TMEM131L: variants seen among roughly 807,000 people sequenced by gnomAD.
TMEM131L encodes the protein transmembrane protein 131-like.
In TMEM131L, 54 loss-of-function variants were observed where a neutral mutation model predicts 192.2. The ratio of observed to expected loss-of-function variants is 0.28; its 90% CI spans 0.23 to 0.35. The LOEUF is 0.35. Among genes scored for constraint, TMEM131L ranks in the 10% least tolerant of loss-of-function variants. TMEM131L has a pLI of 1.00. For synonymous variants in TMEM131L, 701 were observed against 704.9 expected (o/e 0.99, Z 0.09); for missense variants, 1,888 against 1,972.9 (o/e 0.96, Z 0.82).
At chr4:153,527,254 T>A (rs1425440099) in intron 3 of TMEM131L, among the ~76,000 whole-genome samples, 1 of 150,894 alleles carries the variant, frequency 6.6e-6, no homozygotes. Context: ...GGTGACTTGT[T>A]GCCAAATCTT....
intron 3 of TMEM131L, among the ~76,000 whole-genome samples, chr4:153,518,807 C>A (rs940101908): frequency 6.6e-6 from 1 of 152,178 alleles, no homozygotes; most frequent in African/African-American, 2.4e-5. Flanking sequence ...ACTTTCAGCC[C>A]TTTCATTGCA....
At chr4:153,588,465 C>T (rs1046747251) in intron 15 of TMEM131L, among the ~76,000 whole-genome samples, 5 of 150,218 alleles carry the variant, frequency 3.3e-5, no homozygotes, top group Admixed American at 6.7e-5. Flanking sequence ...TCTCTAGGAT[C>T]GGCTCCTGGT....
rs1393699780 is a variant in TMEM131L at position 153,582,420 on chromosome 4, GTTTTTTTTTGTTGTTTTTTTTTTTT to G, written c.893-760_893-736del. Among the ~76,000 whole-genome samples the G allele has an allele frequency of 3.4e-4, 28 of 81,834 alleles. 1 individual carries two copies. Among genetic ancestry groups the G allele is most frequent in the Middle Eastern group, 8.8e-3 (1 of 114 alleles). The allele number at this position is 81,834 out of a possible 152,430, so 53.7% of individuals were successfully genotyped here. A position where few individuals can be genotyped will look rare whatever the true frequency, so the allele number is the denominator to read the frequency against. On this transcript the variant is annotated intron_variant, in intron 9 of 34. Coordinates refer to ENST00000409959, the MANE Select transcript of TMEM131L (RefSeq NM_001131007.2). ...CCACTATGCCTGGCTAATTTAAACC[GTTTTTTTTTGTTGTTTTTTTTTTTT>G]TTTTTTTTTTTTTTGTAGAGACAGG...
At chr4:153,542,491 C>G (rs1049257949) in intron 3 of TMEM131L, among the ~76,000 whole-genome samples, 6 of 152,164 alleles carry the variant, frequency 3.9e-5, no homozygotes, top group Non-Finnish European at 8.8e-5. Flanking sequence ...ATTCAGCCAC[C>G]CCACAGCCAG....
intron 28 of TMEM131L, among the ~76,000 whole-genome samples, chr4:153,622,075 G>T (rs562476057): frequency 6.6e-6 from 1 of 152,318 alleles, no homozygotes; most frequent in Non-Finnish European, 1.5e-5. Flanking sequence ...AGTCTGGCCA[G>T]TCGCAACTAT....
intron 6 of TMEM131L, among the ~76,000 whole-genome samples, chr4:153,558,033 A>T (rs1435327372): frequency 6.6e-6 from 1 of 152,226 alleles, no homozygotes; most frequent in Admixed American, 6.5e-5. Context: ...GGCCTCCCAA[A>T]GTGTTGGGAT....
At chr4:153,520,817 C>T (rs115152098) in intron 3 of TMEM131L, among the ~76,000 whole-genome samples, 2,866 of 152,276 alleles carry the variant, frequency 0.019, 51 homozygotes, top group South Asian at 0.064. Context: ...AATTGGAGCA[C>T]GACTTAAAGT....
chr4:153,531,226 C>G (rs143596640), intron 3 of TMEM131L, among the ~76,000 whole-genome samples: 1 of 152,312 alleles, frequency 6.6e-6, no homozygotes, highest in Non-Finnish European at 1.5e-5. Flanking sequence ...TAGGCTCTAT[C>G]CCTAGAAATT....
At chr4:153,504,266 CTTTTTTTTTTTTTTTTTT>C (rs531620464) in intron 3 of TMEM131L, among the ~76,000 whole-genome samples, 54 of 42,572 alleles carry the variant, frequency 1.3e-3, no homozygotes, top group Admixed American at 3.2e-3. Context: ...CGCGGTCGGC[CTTTTTTTTTTTTTTTTTT>C]TTTTTTTTTT....
chr4:153,610,038 T>C (rs1293385147), intron 25 of TMEM131L, among the ~76,000 whole-genome samples: 2 of 152,222 alleles, frequency 1.3e-5, no homozygotes, highest in African/African-American at 4.8e-5. Flanking sequence ...TCCTAAAGAA[T>C]GACTTTTAAT....
intron 26 of TMEM131L, among the ~76,000 whole-genome samples, chr4:153,613,223 G>A (rs1341207429): frequency 1.3e-5 from 2 of 152,128 alleles, no homozygotes; most frequent in African/African-American, 2.4e-5. Flanking sequence ...AAATAAACAC[G>A]CAGATGGAAG....
In TMEM131L at chr4:153,621,855, T is replaced by TA. The variant is rs1437421949; in HGVS notation, c.3859+8dup. The TA allele has an allele frequency of 6.2e-6, 10 of 1,613,556 alleles. No individual in the cohort carries two copies. Among genetic ancestry groups the TA allele is most frequent in the Middle Eastern group, 3.3e-4 (2 of 6,058 alleles). ...TGCTGCCCAGAGAGAGGCAGGTATG[T>TA]AATGATACTGAGCTACAAATGGTGC... is the stretch of plus-strand genomic sequence containing the variant. On this transcript the variant is annotated splice_region_variant and intron_variant, in intron 28 of 34. Transcript: ENST00000409959.
At chr4:153,540,131 CA>C (rs66469233) in intron 3 of TMEM131L, among the ~76,000 whole-genome samples, 54,601 of 145,644 alleles carry the variant, frequency 0.37, 12,081 homozygotes, top group African/African-American at 0.64. Context: ...AACAAAAAAA[CA>C]AAAAAAAAAA....
At chr4:153,549,244 A>G (rs1737425153) in intron 3 of TMEM131L, among the ~76,000 whole-genome samples, 1 of 152,186 alleles carries the variant, frequency 6.6e-6, no homozygotes, top group Admixed American at 6.5e-5. Flanking sequence ...TGGAATTACA[A>G]GCATGAGCCA....
At position 153,466,470 on chromosome 4, in the gene TMEM131L, G is replaced by A. The variant is rs1730751670; in HGVS notation, c.73G>A (p.Val25Ile). 14 of 1,422,976 alleles carry A rather than the reference G, an allele frequency of 9.8e-6. No individual in the cohort carries two copies. The highest frequency in any genetic ancestry group is 1.3e-5 in the Non-Finnish European group (14 of 1,080,540). 88.1% of individuals were successfully genotyped at this position (1,422,976 alleles called of 1,614,324 possible). A position where few individuals can be genotyped will look rare whatever the true frequency, so the allele number is the denominator to read the frequency against. ...TAAAVNLLLG[V>I]FQVLLPCCRP... ...GGCGGCCGTGAACCTCCTGCTGGGC[G>A]TCTTCCAGGTCCTGCTGCCCTGCTG... is the stretch of plus-strand genomic sequence containing the variant. Residue 25 changes from valine to isoleucine, a missense_variant, in exon 1 of 35, where the codon GTC (valine) becomes ATC (isoleucine). Transcript: ENST00000409959.
intron 3 of TMEM131L, 112 bp downstream of exon 3, chr4:153,474,000 TAC>T (rs778560561): frequency 2.1e-5 from 13 of 614,660 alleles, no homozygotes; most frequent in Non-Finnish European, 3.6e-5. Context: ...GTATCTGTAA[TAC>T]ACCTTTCTCT....
At chr4:153,622,014 T>G (rs1283354934) in intron 28 of TMEM131L, among the ~76,000 whole-genome samples, 165 bp downstream of exon 28, 1 of 152,126 alleles carries the variant, frequency 6.6e-6, no homozygotes, top group Admixed American at 6.5e-5. Context: ...ACCAGAAAAC[T>G]AAGATTTGGT....
chr4:153,469,209 G>C (rs1046433285), intron 2 of TMEM131L, among the ~76,000 whole-genome samples: 5 of 152,152 alleles, frequency 3.3e-5, no homozygotes, highest in Admixed American at 2.6e-4. Context: ...TAATGAAAGT[G>C]AAACTGGTTT....
intron 3 of TMEM131L, among the ~76,000 whole-genome samples, chr4:153,509,840 C>T (rs985249850): frequency 2.0e-5 from 3 of 152,192 alleles, no homozygotes; most frequent in Non-Finnish European, 4.4e-5. Context: ...TGGCCCCACC[C>T]TAAAGTAACT....
Sources: gnomAD v4.1 joint callset for allele counts (sites outside exome capture counted in the v4.1 genomes callset) on GRCh38, gnomAD v4.1.1 for gene constraint, MANE v1.5 for transcripts, NCBI Gene and HGNC (gene_info 2026-07-23, HGNC 2026-07-21) for gene names.